CNTNAP2: variants seen among roughly 807,000 people sequenced by gnomAD.
The protein encoded by CNTNAP2 is contactin-associated protein-like 2.
Under a neutral mutation model 155.2 loss-of-function variants are expected in CNTNAP2, and 98 were observed. The observed-to-expected ratio is 0.63, with a 90% CI of 0.54 to 0.75. CNTNAP2 has a LOEUF of 0.75. Among genes scored for constraint, CNTNAP2 ranks in the 30% least tolerant of loss-of-function variants. The pLI, the probability that CNTNAP2 is intolerant of heterozygous loss-of-function variation, is 0.00. For synonymous variants in CNTNAP2, 651 were observed against 631.2 expected (o/e 1.03, Z -0.47); for missense variants, 1,727 against 1,688.1 (o/e 1.02, Z -0.40).
chr7:147,029,163 C>G (rs1008543979), intron 3 of CNTNAP2, among the ~76,000 whole-genome samples: 1 of 151,776 alleles, frequency 6.6e-6, no homozygotes, highest in Non-Finnish European at 1.5e-5. Flanking sequence ...CGGGATTTCA[C>G]CATGTTAGCC....
chr7:146,499,986 T>A (rs1797276951), intron 1 of CNTNAP2, among the ~76,000 whole-genome samples: 1 of 152,196 alleles, frequency 6.6e-6, no homozygotes, highest in Non-Finnish European at 1.5e-5. Flanking sequence ...TATATCATTG[T>A]AAGTAAAAAT....
chr7:146,357,683 T>C (rs1795019187), intron 1 of CNTNAP2, among the ~76,000 whole-genome samples: 1 of 152,176 alleles, frequency 6.6e-6, no homozygotes, highest in Non-Finnish European at 1.5e-5. Context: ...TATTCTGAAA[T>C]TATAGGCTCT....
chr7:148,326,772 G>A (rs1797897572), intron 21 of CNTNAP2, among the ~76,000 whole-genome samples: 1 of 151,976 alleles, frequency 6.6e-6, no homozygotes, highest in South Asian at 2.1e-4. Context: ...GGCTGAGGCA[G>A]GAGAATGGCG....
intron 15 of CNTNAP2, among the ~76,000 whole-genome samples, chr7:148,078,692 G>T (rs1039589382): frequency 6.6e-6 from 1 of 152,064 alleles, no homozygotes; most frequent in Non-Finnish European, 1.5e-5. Flanking sequence ...TGTTGTCCAG[G>T]CTGGTCTCTA....
intron 3 of CNTNAP2, among the ~76,000 whole-genome samples, chr7:146,977,872 A>G (rs1797942746): frequency 6.6e-6 from 1 of 152,180 alleles, no homozygotes; most frequent in Non-Finnish European, 1.5e-5. Flanking sequence ...TGGAAGAGAG[A>G]TAAGTAAATA....
intron 15 of CNTNAP2, among the ~76,000 whole-genome samples, chr7:148,024,180 C>CCAAAAAAA (rs1802336513): frequency 1.8e-5 from 1 of 55,072 alleles, no homozygotes; most frequent in Admixed American, 1.7e-4. Context: ...AAAAAAAAAA[C>CCAAAAAAA]TTTATAACAT....
At chr7:146,750,940 A>G (rs1343781900) in intron 1 of CNTNAP2, among the ~76,000 whole-genome samples, 1 of 152,184 alleles carries the variant, frequency 6.6e-6, no homozygotes, top group Non-Finnish European at 1.5e-5. Flanking sequence ...AACAGGCGAT[A>G]TGATTCACTA....
chr7:148,331,383 AG>A (rs1798006847), intron 21 of CNTNAP2, among the ~76,000 whole-genome samples: 2 of 134,016 alleles, frequency 1.5e-5, no homozygotes, highest in Non-Finnish European at 1.6e-5. Flanking sequence ...GAGTGGATGG[AG>A]TGGACGGATG....
chr7:147,297,395 A>C (rs1794849879), intron 8 of CNTNAP2, among the ~76,000 whole-genome samples: 1 of 152,212 alleles, frequency 6.6e-6, no homozygotes, highest in Admixed American at 6.5e-5. Context: ...AAAATTAGTA[A>C]GTATGCTAGT....
At chr7:148,363,818 G>A (rs531085397) in intron 21 of CNTNAP2, among the ~76,000 whole-genome samples, 35 of 149,212 alleles carry the variant, frequency 2.3e-4, no homozygotes, top group African/African-American at 8.4e-4. Flanking sequence ...AGGTGTGGAG[G>A]GAGAGGCACG....
chr7:148,398,016 G>C (rs1010826840), intron 22 of CNTNAP2, among the ~76,000 whole-genome samples: 4 of 152,208 alleles, frequency 2.6e-5, no homozygotes, highest in African/African-American at 9.7e-5. Flanking sequence ...CTTGGGATTG[G>C]AATTATAAAT....
intron 16 of CNTNAP2, among the ~76,000 whole-genome samples, chr7:148,122,023 A>G (rs1411421719): frequency 6.6e-6 from 1 of 152,208 alleles, no homozygotes; most frequent in East Asian, 1.9e-4. Context: ...AGGAGTTATG[A>G]TAATAACAAA....
intron 1 of CNTNAP2, among the ~76,000 whole-genome samples, chr7:146,126,127 C>T (rs573296460): frequency 2.1e-4 from 32 of 152,274 alleles, no homozygotes; most frequent in African/African-American, 7.2e-4. Context: ...ACCAGCTTGG[C>T]CTATTTCCAG....
chr7:147,588,733 A>C (rs922107674), intron 12 of CNTNAP2, among the ~76,000 whole-genome samples: 31 of 152,208 alleles, frequency 2.0e-4, no homozygotes, highest in Non-Finnish European at 3.1e-4. Context: ...CTCTTCAGGC[A>C]ACTGACATTT....
intron 23 of CNTNAP2, among the ~76,000 whole-genome samples, chr7:148,413,546 A>C (rs1207359638): frequency 6.7e-6 from 1 of 149,476 alleles, no homozygotes; most frequent in Non-Finnish European, 1.5e-5. Flanking sequence ...CCTATATTTT[A>C]AGAAAGATGT....
chr7:148,073,202 A>G lies in CNTNAP2; in HGVS notation c.2384-44916A>G, dbSNP rs78741332. On this transcript the variant is annotated intron_variant, in intron 15 of 23. Transcript: ENST00000361727. ...AAACTTAGAATACACCGCATAAAAT[A>G]TGAGCTGGTAGGCTGCGTAGTATAA... 4.8e-3 allele frequency among the ~76,000 whole-genome samples: 730 copies of G among 152,276 alleles called. 7 individuals carry two copies. Among genetic ancestry groups the G allele is most frequent in the African/African-American group, 0.017 (694 of 41,554 alleles).
At chr7:147,957,647 A>G (rs1332641370) in intron 14 of CNTNAP2, among the ~76,000 whole-genome samples, 1 of 152,222 alleles carries the variant, frequency 6.6e-6, no homozygotes, top group Non-Finnish European at 1.5e-5. Context: ...CGGTTAACCA[A>G]GAAATTAAGC....
chr7:148,321,812 A>T (rs1283898062), intron 21 of CNTNAP2, among the ~76,000 whole-genome samples: 1 of 152,200 alleles, frequency 6.6e-6, no homozygotes, highest in African/African-American at 2.4e-5. Context: ...AGAAGAGAGG[A>T]AAGAGACAGA....
At chr7:148,329,832 C>T (rs537585214) in intron 21 of CNTNAP2, among the ~76,000 whole-genome samples, 2 of 152,082 alleles carry the variant, frequency 1.3e-5, no homozygotes, top group Non-Finnish European at 2.9e-5. Context: ...GAGGAGATAT[C>T]TCTTCACCCT....
Sources: gnomAD v4.1 joint callset for allele counts (sites outside exome capture counted in the v4.1 genomes callset) on GRCh38, gnomAD v4.1.1 for gene constraint, MANE v1.5 for transcripts, NCBI Gene and HGNC (gene_info 2026-07-23, HGNC 2026-07-21) for gene names.